The following KLRC1 variants were observed in gnomAD, a reference collection of about 807,000 sequenced individuals.
KLRC1 encodes the protein NKG2-A/NKG2-B type II integral membrane protein.
Under a neutral mutation model 25.9 loss-of-function variants are expected in KLRC1, and 22 were observed. The ratio of observed to expected loss-of-function variants is 0.85; its 90% CI spans 0.61 to 1.21. KLRC1 has a LOEUF of 1.21. Among genes scored for constraint, KLRC1 ranks in the 50% most tolerant of loss-of-function variants. The pLI, the probability that KLRC1 is intolerant of heterozygous loss-of-function variation, is 0.00. For synonymous variants in KLRC1, 77 were observed against 93.1 expected (o/e 0.83, Z 0.99); for missense variants, 240 against 272.2 (o/e 0.88, Z 0.83).
At chr12:10,453,750 G>T (rs909397658), upstream of KLRC1, among the ~76,000 whole-genome samples, 4 of 151,932 alleles carry the variant, frequency 2.6e-5, 1 homozygote, top group African/African-American at 9.7e-5. Flanking sequence ...GATATCTACT[G>T]ATTTTTTCCT....
At chr12:10,442,451 TAAGA>T (rs1400834862), downstream of KLRC1, among the ~76,000 whole-genome samples, 1 of 54,840 alleles carries the variant, frequency 1.8e-5, no homozygotes, top group Non-Finnish European at 4.0e-5. Context: ...ATAAAATACA[TAAGA>T]ATTATATTTT....
chr12:10,445,523 A>T (rs1211432730), downstream of KLRC1, among the ~76,000 whole-genome samples: 1 of 152,204 alleles, frequency 6.6e-6, no homozygotes, highest in Non-Finnish European at 1.5e-5. Flanking sequence ...CATATGATAC[A>T]CACAGAACTT....
chr12:10,449,787 CTAATT>C, intron 4 of KLRC1, 122 bp downstream of exon 4: 1 of 716,224 alleles, frequency 1.4e-6, no homozygotes, highest in Non-Finnish European at 2.1e-6. Context: ...ATGCCTTACT[CTAATT>C]TTATTTATGA....
intron 2 of KLRC1, 22 bp from the exon 3 acceptor site, chr12:10,450,601 C>T: frequency 8.2e-6 from 12 of 1,466,280 alleles, no homozygotes; most frequent in Non-Finnish European, 1.1e-5. Flanking sequence ...GAAATGGGAA[C>T]AGTGCGAAAG....
At chr12:10,450,297 A>G in intron 3 of KLRC1, 187 bp downstream of exon 3, 1 of 516,442 alleles carries the variant, frequency 1.9e-6, no homozygotes, top group Non-Finnish European at 3.4e-6. Flanking sequence ...CGATTGCATC[A>G]GAAGCGAATA....
intron 6 of KLRC1, chr12:10,447,142 G>A (rs530571414): frequency 5.2e-4 from 109 of 209,774 alleles, no homozygotes; most frequent in Middle Eastern, 2.0e-3. Context: ...CCCACGGGCC[G>A]CATGTGACCC....
intron 3 of KLRC1, 51 bp downstream of exon 3, chr12:10,450,433 T>C (rs895946822): frequency 1.0e-6 from 1 of 999,062 alleles, no homozygotes; most frequent in Non-Finnish European, 1.6e-6. Flanking sequence ...TAGAGGCACA[T>C]TCAATCATTA....
At chr12:10,445,283 G>T (rs2137884416), downstream of KLRC1, among the ~76,000 whole-genome samples, 1 of 151,734 alleles carries the variant, frequency 6.6e-6, no homozygotes, top group Non-Finnish European at 1.5e-5. Flanking sequence ...AACAAAGGCT[G>T]GTTTAACATT....
upstream of KLRC1, chr12:10,453,446 A>C: frequency 1.3e-6 from 1 of 781,196 alleles, no homozygotes; most frequent in Non-Finnish European, 1.6e-6. Context: ...GGCTATTGTG[A>C]AATCAGTTTT....
downstream of KLRC1, among the ~76,000 whole-genome samples, chr12:10,444,145 T>G (rs1294928471): frequency 7.2e-6 from 1 of 139,538 alleles, no homozygotes; most frequent in Non-Finnish European, 1.6e-5. Flanking sequence ...GTACATATAT[T>G]ACAAAAGATG....
chr12:10,449,462 A>G (rs1864074470), intron 4 of KLRC1, 74 bp from the exon 5 acceptor site: 2 of 1,581,080 alleles, frequency 1.3e-6, no homozygotes, highest in Non-Finnish European at 8.6e-7. Flanking sequence ...CATATTTGCA[A>G]ACATATAAAC....
chr12:10,454,044 C>T (rs77817082), upstream of KLRC1, among the ~76,000 whole-genome samples: 6,272 of 152,190 alleles, frequency 0.041, 132 homozygotes, highest in African/African-American at 0.069. Flanking sequence ...CAAATTATGT[C>T]GACTTTCATA....
chr12:10,452,187 T>C (rs1864139631), intron 1 of KLRC1, among the ~76,000 whole-genome samples: 1 of 152,124 alleles, frequency 6.6e-6, no homozygotes, highest in Non-Finnish European at 1.5e-5. Flanking sequence ...TAATTGGTAA[T>C]TTATTTCCTG....
intron 1 of KLRC1, 129 bp downstream of exon 1, chr12:10,453,069 T>C (rs1864156442): frequency 4.0e-6 from 1 of 252,790 alleles, no homozygotes; most frequent in African/African-American, 2.3e-5. Flanking sequence ...GTTATTCAAA[T>C]GAAGACAGCA....
chr12:10,443,799 T>C (rs1346834678), downstream of KLRC1, among the ~76,000 whole-genome samples: 2 of 140,436 alleles, frequency 1.4e-5, 1 homozygote. Flanking sequence ...CTAGCCAAGC[T>C]TGGCCAGTGG....
At chr12:10,450,035 T>A (rs1259082836) in intron 3 of KLRC1, 68 bp from the exon 4 acceptor site, 5 of 1,036,908 alleles carry the variant, frequency 4.8e-6, no homozygotes, top group Non-Finnish European at 6.6e-6. Context: ...TTTTAAGTTT[T>A]TGTTTGAATT....
intron 6 of KLRC1, 38 bp downstream of exon 6, chr12:10,447,494 A>T: frequency 7.1e-7 from 1 of 1,415,130 alleles, no homozygotes; most frequent in Non-Finnish European, 9.8e-7. Context: ...TATCCTTTAT[A>T]TATATATTGT....
chr12:10,447,877 A>T (rs71450093), intron 5 of KLRC1, among the ~76,000 whole-genome samples: 5 of 152,230 alleles, frequency 3.3e-5, no homozygotes, highest in Non-Finnish European at 7.3e-5. Context: ...GTAAGGATTT[A>T]AATAAGTCTC....
At chr12:10,449,141 C>G (rs1864065574) in intron 5 of KLRC1, 96 bp downstream of exon 5, 3 of 1,480,468 alleles carry the variant, frequency 2.0e-6, no homozygotes, top group African/African-American at 1.4e-5. Context: ...AACATATAAG[C>G]TAAATGTATA....
Sources: allele counts gnomAD v4.1 joint callset (sites outside exome capture counted in the v4.1 genomes callset), GRCh38; gene constraint gnomAD v4.1.1; transcripts MANE v1.5; gene names NCBI Gene and HGNC (gene_info 2026-07-23, HGNC 2026-07-21).